The following ALDH1A2 variants were observed in gnomAD, a reference collection of about 807,000 sequenced individuals.
ALDH1A2 encodes the protein retinal dehydrogenase 2.
ALDH1A2 carries 27 observed loss-of-function variants against 60.3 expected under a neutral mutation model. The ratio of observed to expected loss-of-function variants is 0.45; its 90% confidence interval spans 0.33 to 0.62. ALDH1A2 has a LOEUF of 0.62. ALDH1A2 is among the 20% of genes least tolerant of loss of function. The probability of loss-of-function intolerance (pLI) is 0.02; values close to 1 mark genes in which losing one functional copy is unlikely to be tolerated. For synonymous variants in ALDH1A2, 289 were observed against 232.4 expected, an observed-to-expected ratio of 1.24 and a Z score of -2.21; for missense variants, 581 against 643.8, an observed-to-expected ratio of 0.90 and a Z score of 1.06.
At chr15:58,014,326 A>G in intron 1 of ALDH1A2, 45 bp from the exon 2 acceptor site, 1 of 1,466,502 alleles carries the variant, frequency 6.8e-7, no homozygotes, top group South Asian at 1.1e-5. Flanking sequence ...ACAGGTGATA[A>G]GCAGCCAGTC....
chr15:57,968,271 G>A (rs1893957540), intron 7 of ALDH1A2, among the ~76,000 whole-genome samples: 1 of 152,122 alleles, frequency 6.6e-6, no homozygotes, highest in Non-Finnish European at 1.5e-5. Flanking sequence ...ATACTTACAA[G>A]CATTATGTCA....
intron 1 of ALDH1A2, among the ~76,000 whole-genome samples, chr15:58,035,177 T>C (rs1236621849): frequency 6.6e-6 from 1 of 151,678 alleles, no homozygotes; most frequent in Non-Finnish European, 1.5e-5. Context: ...TGAGTTTTGG[T>C]AGAATGCATC....
chr15:57,970,723 T>C (rs1236669252), intron 7 of ALDH1A2, among the ~76,000 whole-genome samples: 2 of 152,296 alleles, frequency 1.3e-5, no homozygotes, highest in South Asian at 2.1e-4. Context: ...CTCAGCGATA[T>C]AACACCTTTT....
At position 57,965,730 on chromosome 15, in the gene ALDH1A2, G is replaced by T; in HGVS notation, c.896C>A (p.Ala299Asp). 6.2e-7 allele frequency: 1 copy of T among 1,608,050 alleles called. No homozygotes were observed. Among genetic ancestry groups the T allele is most frequent in the Non-Finnish European group, 8.5e-7 (1 of 1,174,406 alleles). ...GKSPNIIFAD[A>D]DLDYAVEQAH... ...GGGACCTGTAGTTGACTTACAGTCA[G>T]CATCAGCAAAAATAATATTAGGACT... Residue 299 changes from alanine (A) to aspartate (D), a missense_variant, in exon 8 of 13, where the codon GCT (alanine) becomes GAT (aspartate). Transcript: ENST00000249750.
chr15:57,978,252 G>A (rs995232973), intron 7 of ALDH1A2, among the ~76,000 whole-genome samples: 2 of 152,114 alleles, frequency 1.3e-5, no homozygotes, highest in African/African-American at 2.4e-5. Flanking sequence ...GGTGAGAGAG[G>A]GCATCCTTTT....
At chr15:58,016,164 A>G (rs1471688710) in intron 1 of ALDH1A2, among the ~76,000 whole-genome samples, 4 of 147,466 alleles carry the variant, frequency 2.7e-5, no homozygotes, top group African/African-American at 1.0e-4. Context: ...TTTTTAAGAC[A>G]GAGCCTTGAT....
At chr15:58,060,418 G>A (rs1274216054) in intron 1 of ALDH1A2, among the ~76,000 whole-genome samples, 1 of 145,710 alleles carries the variant, frequency 6.9e-6, no homozygotes, top group Non-Finnish European at 1.5e-5. Flanking sequence ...GACAAATGTA[G>A]AAATTGAAAG....
chr15:57,976,455 C>T (rs957777138), intron 7 of ALDH1A2, among the ~76,000 whole-genome samples: 23 of 152,118 alleles, frequency 1.5e-4, no homozygotes, highest in Admixed American at 1.5e-3. Context: ...TGTGATGTTC[C>T]CCTCCCTGTG....
rs1893877786 is a variant in ALDH1A2, at chr15:57,965,841, A to G, written c.799-14T>C. The G allele has an allele frequency of 1.2e-6, 2 of 1,609,972 alleles. No individual in the cohort carries two copies. Among genetic ancestry groups the G allele is most frequent in the Non-Finnish European group, 1.7e-6 (2 of 1,176,232 alleles). On this transcript the variant is annotated splice_polypyrimidine_tract_variant and intron_variant, in intron 7 of 12. Coordinates refer to ENST00000249750, the MANE Select transcript of ALDH1A2 (RefSeq NM_003888.4). ...AAGCTTTCCAACCTGAAAGAAGGGA[A>G]ATGGAGACAGGTTTTGCAAATCCTG...
chr15:58,055,560 C>T (rs1471230512), intron 1 of ALDH1A2, among the ~76,000 whole-genome samples: 1 of 151,704 alleles, frequency 6.6e-6, no homozygotes, highest in East Asian at 1.9e-4. Context: ...AGAGAATATA[C>T]ATTCATTATC....
chr15:57,990,091 C>A (rs1257282391), intron 7 of ALDH1A2: 1 of 151,514 alleles, frequency 6.6e-6, no homozygotes, highest in East Asian at 1.9e-4. Context: ...AAAATCTGCA[C>A]ATGGCAAACA....
intron 1 of ALDH1A2, among the ~76,000 whole-genome samples, chr15:58,056,042 G>A (rs868820154): frequency 2.4e-4 from 37 of 152,220 alleles, no homozygotes; most frequent in African/African-American, 8.2e-4. Context: ...GACACAGCGC[G>A]AGCGCACATG....
At chr15:58,050,897 T>C (rs1317359399) in intron 1 of ALDH1A2, among the ~76,000 whole-genome samples, 1 of 152,198 alleles carries the variant, frequency 6.6e-6, no homozygotes, top group African/African-American at 2.4e-5. Flanking sequence ...AGCAAACATC[T>C]ATGCAAGGAA....
intron 1 of ALDH1A2, among the ~76,000 whole-genome samples, chr15:58,038,248 C>G (rs1468625725): frequency 1.3e-5 from 2 of 151,616 alleles, no homozygotes. Flanking sequence ...TCTTTCTTCT[C>G]CAGGCCAAGT....
At chr15:58,044,106 C>T (rs1264518267) in intron 1 of ALDH1A2, among the ~76,000 whole-genome samples, 4 of 152,004 alleles carry the variant, frequency 2.6e-5, no homozygotes, top group Admixed American at 2.6e-4. Context: ...GACTTGATGG[C>T]TGACCAGATC....
chr15:58,035,418 T>C (rs1210474095), intron 1 of ALDH1A2, among the ~76,000 whole-genome samples: 1 of 151,384 alleles, frequency 6.6e-6, no homozygotes, highest in Non-Finnish European at 1.5e-5. Context: ...TTATTGTCTT[T>C]ATTGTTTTCA....
At chr15:57,996,430 A>G in intron 4 of ALDH1A2, among the ~76,000 whole-genome samples, 1 of 150,316 alleles carries the variant, frequency 6.7e-6, no homozygotes, top group East Asian at 2.0e-4. Flanking sequence ...ACAAGTATTT[A>G]TAGGATCCTT....
chr15:58,034,828 G>A (rs1248236394), intron 1 of ALDH1A2, among the ~76,000 whole-genome samples: 1 of 151,488 alleles, frequency 6.6e-6, no homozygotes, highest in Non-Finnish European at 1.5e-5. Context: ...ATCCTGCTTG[G>A]TTATGGTGTA....
At position 57,973,964 on chromosome 15, in the gene ALDH1A2, T is replaced by C. The variant is rs539589007; in HGVS notation, c.799-8137A>G. Among the ~76,000 whole-genome samples, 421 of 152,238 alleles carry C rather than the reference T, an allele frequency of 2.8e-3. 1 individual carries two copies. The highest frequency in any genetic ancestry group is 5.2e-3 in the Non-Finnish European group (352 of 68,026). On this transcript the variant is annotated intron_variant, in intron 7 of 12. Coordinates refer to ENST00000249750, the MANE Select transcript of ALDH1A2 (RefSeq NM_003888.4). ...TCTCTTTCCCAAATTCTCCCTTCTC[T>C]CTCTCTCTCTCAGTTCCCTATTGAA...
Sources: gnomAD v4.1 joint callset for allele counts (sites outside exome capture counted in the v4.1 genomes callset) on GRCh38, gnomAD v4.1.1 for gene constraint, MANE v1.5 for transcripts, NCBI Gene and HGNC (gene_info 2026-07-23, HGNC 2026-07-21) for gene names.